The following LSAMP variants were observed in gnomAD, a reference collection of about 807,000 sequenced individuals.
LSAMP encodes limbic system associated membrane protein, also known as limbic system-associated membrane protein.
Under a neutral mutation model 38.6 loss-of-function variants are expected in LSAMP, and 7 were observed. The observed-to-expected ratio is 0.18, with a 90% CI of 0.10 to 0.34. The LOEUF (loss-of-function observed/expected upper bound fraction) is 0.34. LSAMP is among the 10% of genes least tolerant of loss of function. The pLI is 1.00. For synonymous variants in LSAMP, 154 were observed against 166.8 expected, an observed-to-expected ratio of 0.92 and a Z score of 0.59; for missense variants, 313 against 420.0, an observed-to-expected ratio of 0.75 and a Z score of 2.23.
chr3:115,880,987 G>A (rs889410611), intron 3 of LSAMP, among the ~76,000 whole-genome samples: 1 of 151,528 alleles, frequency 6.6e-6, no homozygotes. Flanking sequence ...GCAGTGAACC[G>A]ATTGTGCCAC....
chr3:116,278,874 C>T (rs908069650), intron 1 of LSAMP, among the ~76,000 whole-genome samples: 1 of 152,154 alleles, frequency 6.6e-6, no homozygotes, highest in African/African-American at 2.4e-5. Context: ...TCATCTGTCT[C>T]AAAGAAGATG....
At chr3:115,971,129 T>C (rs1012788473) in intron 3 of LSAMP, among the ~76,000 whole-genome samples, 10 of 152,160 alleles carry the variant, frequency 6.6e-5, no homozygotes, top group African/African-American at 2.4e-4. Context: ...CATATAGGGC[T>C]GGAGGAGAAG....
At chr3:115,829,572 C>G (rs1483657741) in intron 6 of LSAMP, among the ~76,000 whole-genome samples, 3 of 152,036 alleles carry the variant, frequency 2.0e-5, no homozygotes, top group African/African-American at 7.3e-5. Context: ...TACTTTATAC[C>G]CTTGACCAGC....
At chr3:116,125,732 T>G (rs1489826457) in intron 1 of LSAMP, among the ~76,000 whole-genome samples, 1 of 152,176 alleles carries the variant, frequency 6.6e-6, no homozygotes, top group Non-Finnish European at 1.5e-5. Flanking sequence ...GCTTTATAAA[T>G]TAGGGCAGTT....
intron 3 of LSAMP, among the ~76,000 whole-genome samples, chr3:115,899,768 G>T (rs1936827592): frequency 6.6e-6 from 1 of 152,148 alleles, no homozygotes; most frequent in Admixed American, 6.5e-5. Flanking sequence ...AATATCCTGA[G>T]AAGGGGACAT....
At chr3:116,143,578 A>G (rs963827813) in intron 1 of LSAMP, among the ~76,000 whole-genome samples, 1 of 151,914 alleles carries the variant, frequency 6.6e-6, no homozygotes, top group African/African-American at 2.4e-5. Context: ...TTACCCCATA[A>G]ATGTATACAT....
At chr3:115,903,239 A>G (rs995258609) in intron 3 of LSAMP, among the ~76,000 whole-genome samples, 1 of 152,180 alleles carries the variant, frequency 6.6e-6, no homozygotes, top group Non-Finnish European at 1.5e-5. Flanking sequence ...ACAGAGAAAC[A>G]TAAAACCAAA....
chr3:116,283,132 C>T (rs1213481645), intron 1 of LSAMP, among the ~76,000 whole-genome samples: 1 of 151,814 alleles, frequency 6.6e-6, no homozygotes, highest in Admixed American at 6.6e-5. Flanking sequence ...CTCTTCCTCC[C>T]TCCCCAAAGT....
intron 3 of LSAMP, among the ~76,000 whole-genome samples, chr3:115,965,008 G>A (rs1431680779): frequency 1.3e-5 from 2 of 151,904 alleles, no homozygotes. Flanking sequence ...AATTACTGTT[G>A]AACTTGAAAA....
At chr3:116,211,764 A>G (rs774474801) in intron 1 of LSAMP, among the ~76,000 whole-genome samples, 13 of 152,238 alleles carry the variant, frequency 8.5e-5, no homozygotes, top group East Asian at 1.9e-4. Flanking sequence ...AAAAACAATG[A>G]AAAGTAATTT....
At chr3:116,157,774 A>G (rs1709788969) in intron 1 of LSAMP, among the ~76,000 whole-genome samples, 1 of 152,064 alleles carries the variant, frequency 6.6e-6, no homozygotes, top group Non-Finnish European at 1.5e-5. Context: ...TCTACTAGAT[A>G]TATAAAGAAG....
chr3:115,985,419 C>T (rs532079105), intron 3 of LSAMP, among the ~76,000 whole-genome samples: 1 of 152,132 alleles, frequency 6.6e-6, no homozygotes, highest in African/African-American at 2.4e-5. Context: ...ACATGCTTAA[C>T]CGAGTAAGCA....
intron 1 of LSAMP, among the ~76,000 whole-genome samples, chr3:116,213,001 A>G (rs2046178452): frequency 6.6e-6 from 1 of 152,224 alleles, no homozygotes; most frequent in African/African-American, 2.4e-5. Flanking sequence ...GCAATGGGTC[A>G]CTTTGTACTG....
At chr3:116,062,101 TA>T (rs1019664627) in intron 2 of LSAMP, among the ~76,000 whole-genome samples, 4 of 152,138 alleles carry the variant, frequency 2.6e-5, no homozygotes, top group African/African-American at 9.7e-5. Flanking sequence ...ACTTATAAAA[TA>T]AAAACAAAAT....
intron 3 of LSAMP, among the ~76,000 whole-genome samples, chr3:115,911,439 C>T (rs1395810832): frequency 6.6e-6 from 1 of 152,170 alleles, no homozygotes; most frequent in East Asian, 1.9e-4. Flanking sequence ...CTCACTGCAG[C>T]CTCGACCTCC....
At chr3:116,443,178 G>GT (rs1293938969) in intron 1 of LSAMP, among the ~76,000 whole-genome samples, 2 of 152,204 alleles carry the variant, frequency 1.3e-5, no homozygotes, top group African/African-American at 4.8e-5. Flanking sequence ...ATGTTAGGGA[G>GT]TATGAATGTT....
At chr3:116,071,974 CTTT>C (rs34359160) in intron 2 of LSAMP, among the ~76,000 whole-genome samples, 18 of 130,106 alleles carry the variant, frequency 1.4e-4, no homozygotes, top group Admixed American at 1.2e-3. Flanking sequence ...GTATATGTAG[CTTT>C]TTTTTTTTTT....
chr3:116,435,130 T>A (rs2049332578), intron 1 of LSAMP, among the ~76,000 whole-genome samples: 1 of 151,936 alleles, frequency 6.6e-6, no homozygotes, highest in Non-Finnish European at 1.5e-5. Context: ...ACAGTAAGAG[T>A]TTTAAAAGAT....
At chr3:116,161,454 C>T (rs1381962412) in intron 1 of LSAMP, among the ~76,000 whole-genome samples, 1 of 152,168 alleles carries the variant, frequency 6.6e-6, no homozygotes, top group African/African-American at 2.4e-5. Flanking sequence ...CTTGAAATGA[C>T]TGAATACTGA....
Sources: allele counts gnomAD v4.1 joint callset (sites outside exome capture counted in the v4.1 genomes callset), GRCh38; gene constraint gnomAD v4.1.1; transcripts MANE v1.5; gene names NCBI Gene and HGNC (gene_info 2026-07-23, HGNC 2026-07-21).